FAAP100: variants seen among roughly 807,000 people sequenced by gnomAD.
FAAP100 encodes the protein Fanconi anemia core complex-associated protein 100.
Under a neutral mutation model 65.8 loss-of-function variants are expected in FAAP100, and 46 were observed. The ratio of observed to expected loss-of-function variants is 0.70; its 90% CI spans 0.55 to 0.89. The LOEUF (loss-of-function observed/expected upper bound fraction) is 0.89. Among genes scored for constraint, FAAP100 ranks in the 40% least tolerant of loss-of-function variants. The pLI is 0.00. For missense variants in FAAP100, 1,165 were observed against 1,196.7 expected (o/e 0.97, Z 0.39); for synonymous variants, 663 against 555.1 (o/e 1.19, Z -2.73).
rs1401804618 is a variant in FAAP100, at chr17:81,540,923, G to A, written c.2542C>T (p.Arg848Cys). The A allele has an allele frequency of 8.2e-6, 13 of 1,591,638 alleles. No individual in the cohort carries two copies. In the East Asian group the frequency reaches 1.6e-4, roughly 19 times the overall value. The change falls in exon 9 of 9, where the codon CGC becomes TGC. Residue 848 changes from arginine (R) to cysteine (C), a missense_variant. Coordinates refer to ENST00000327787, the MANE Select transcript of FAAP100 (RefSeq NM_025161.6). ...ETLLREVQTL[R>C]DRLCTEDEAS... ...TCATCCTCCGTGCAGAGCCGGTCGC[G>A]CAGGGTCTGCACCTCCCGCAGCAGT...
In FAAP100 at chr17:81,540,762, G is replaced by C. The variant is rs1667457276; in HGVS notation, c.*57C>G. ...GTTTCCCTCTAACCCATGAGGCCTG[G>C]GGGGGCTGTGACAGAGGCTGGAAGC... On this transcript the variant is annotated 3_prime_UTR_variant, in exon 9 of 9. Transcript: ENST00000327787. 4.8e-6 allele frequency: 7 copies of C among 1,455,762 alleles called. No individual in the cohort carries two copies. Among genetic ancestry groups the C allele is most frequent in the East Asian group, 2.5e-5 (1 of 39,714 alleles). 90.2% of individuals were successfully genotyped at this position (1,455,762 alleles called of 1,614,324 possible).
chr17:81,542,280 G>C (rs886839654), intron 7 of FAAP100, among the ~76,000 whole-genome samples: 2 of 143,138 alleles, frequency 1.4e-5, no homozygotes, highest in Admixed American at 1.4e-4. Context: ...CCAGCTATTC[G>C]GGAGGCTGAG....
intron 5 of FAAP100, chr17:81,546,466 G>A (rs1025555126): frequency 2.5e-5 from 4 of 162,800 alleles, no homozygotes. Context: ...CCCGCACTGT[G>A]AAGCTCACAG....
chr17:81,542,854 G>A (rs1031595815), intron 7 of FAAP100, among the ~76,000 whole-genome samples: 3 of 152,338 alleles, frequency 2.0e-5, no homozygotes, highest in Non-Finnish European at 2.9e-5. Context: ...TCTTGGCAGG[G>A]GATGGGACTT....
intron 7 of FAAP100, 42 bp downstream of exon 7, chr17:81,543,962 G>A (rs375334660): frequency 4.8e-5 from 75 of 1,554,348 alleles, no homozygotes; most frequent in African/African-American, 8.1e-5. Flanking sequence ...CTTAGTGAGC[G>A]ACCCACAGAT....
rs1489162500 is a variant in FAAP100, at chr17:81,544,182, G to A, written c.2311-62C>T. The A allele has an allele frequency of 9.4e-6, 13 of 1,375,868 alleles. No individual in the cohort carries two copies. The African/African-American group carries it at 1.6e-4, about 17-fold the overall frequency. 85.2% of individuals were successfully genotyped at this position (1,375,868 alleles called of 1,614,324 possible). The stretch of plus-strand genomic sequence containing the variant: ...CACTCCCACCTGCCCGGGGGGCTCA[G>A]GCTACACAGGAGCCTCCCCAGCTGG... On this transcript the variant is annotated intron_variant, in intron 6 of 8. Transcript: ENST00000327787.
intron 7 of FAAP100, among the ~76,000 whole-genome samples, chr17:81,542,976 C>T (rs2033171454): frequency 6.6e-6 from 1 of 152,224 alleles, no homozygotes; most frequent in Non-Finnish European, 1.5e-5. Flanking sequence ...CAAGCCCAGG[C>T]AGCCCCATCG....
At chr17:81,551,891 G>A (rs1022015850) in intron 2 of FAAP100, 37 bp downstream of exon 2, 6 of 1,521,350 alleles carry the variant, frequency 3.9e-6, no homozygotes, top group Non-Finnish European at 5.2e-6. Flanking sequence ...GGGGGCAGCA[G>A]GAGTGTGCGG....
In FAAP100 at chr17:81,541,238, G is replaced by A. The variant is rs1375268126; in HGVS notation, c.2514+71C>T. 7 of 1,475,148 alleles carry A rather than the reference G, an allele frequency of 4.7e-6. No homozygotes were observed. The East Asian group carries it at 1.2e-4, about 24-fold the overall frequency. The allele number at this position is 1,475,148 out of a possible 1,614,324, so 91.4% of individuals were successfully genotyped here. On this transcript the variant is annotated intron_variant, in intron 8 of 8. Coordinates refer to ENST00000327787, the MANE Select transcript of FAAP100 (RefSeq NM_025161.6). ...GGACTCTGCGGACCCCGAGTGACTA[G>A]AGGGGGGCCTGGCGATGGGCGCTCC...
chr17:81,539,894 A>G lies in FAAP100; in HGVS notation c.*925T>C. On this transcript the variant is annotated 3_prime_UTR_variant, in exon 9 of 9. Coordinates refer to ENST00000327787, the MANE Select transcript of FAAP100 (RefSeq NM_025161.6). ...GAAAACAGCCGAGGCCTGAAGGTTC[A>G]CGGACAGACAGGGTCGTTTGTCACA... 1 of 398,786 alleles carries G rather than the reference A, an allele frequency of 2.5e-6. No homozygotes were observed. Among genetic ancestry groups the G allele is most frequent in the South Asian group, 1.3e-4 (1 of 7,866 alleles). The allele number at this position is 398,786 out of a possible 1,614,324, so 24.7% of individuals were successfully genotyped here.
In FAAP100 at chr17:81,546,980, A is replaced by G; in HGVS notation, c.2102T>C (p.Leu701Pro). The G allele has an allele frequency of 6.7e-7, 1 of 1,493,396 alleles. No homozygotes were observed. Among genetic ancestry groups the G allele is most frequent in the South Asian group, 1.3e-5 (1 of 74,902 alleles). 92.5% of individuals were successfully genotyped at this position (1,493,396 alleles called of 1,614,324 possible). ...CTTGATGGAAGCCACAGATGGGGGCAGGTACTCGGCCCGCAGGGAGGCGGG... is the reference window on the plus strand; with the variant it reads ...CTTGATGGAAGCCACAGATGGGGGCGGGTACTCGGCCCGCAGGGAGGCGGG... ...AGPASLRAEY[L>P]PPSVASIKVS... The change falls in exon 5 of 9, where the codon CTG becomes CCG. Residue 701 changes from leucine to proline, a missense_variant. Coordinates refer to ENST00000327787, the MANE Select transcript of FAAP100 (RefSeq NM_025161.6).
intron 7 of FAAP100, among the ~76,000 whole-genome samples, chr17:81,543,313 G>A (rs993964201): frequency 2.6e-5 from 4 of 152,220 alleles, no homozygotes; most frequent in African/African-American, 7.2e-5. Context: ...GCTGAGGCAG[G>A]GACCACCCCT....
rs777098653 is a variant in FAAP100, at chr17:81,551,969, C to T, written c.249G>A (p.Arg83=). ...GGTCCAGCGACAGGCAGTAGAGGCCCCTCCGGGCGCACAGCGCGTACAGCA... is the reference window on the plus strand; with the variant it reads ...GGTCCAGCGACAGGCAGTAGAGGCCTCTCCGGGCGCACAGCGCGTACAGCA... The part of the protein sequence containing the change: ...RRLLYALCAR[R]GLYCLSLDHP... The change falls in exon 2 of 9, where the codon AGG becomes AGA. Residue 83 remains arginine (R), a synonymous_variant. Coordinates refer to ENST00000327787, the MANE Select transcript of FAAP100 (RefSeq NM_025161.6). The T allele has an allele frequency of 4.5e-6, 7 of 1,564,724 alleles. No homozygotes were observed. The Admixed American group carries it at 1.1e-4, about 24-fold the overall frequency.
chr17:81,542,699 C>A (rs1488887837), intron 7 of FAAP100, among the ~76,000 whole-genome samples: 1 of 152,226 alleles, frequency 6.6e-6, no homozygotes, highest in Non-Finnish European at 1.5e-5. Flanking sequence ...AGCCCTAGTG[C>A]CAGCACTCAG....
chr17:81,546,827 C>T, intron 5 of FAAP100, 82 bp downstream of exon 5: 1 of 1,308,124 alleles, frequency 7.6e-7, no homozygotes. Context: ...GCACTCCAGC[C>T]TGGGCAACAG....
chr17:81,545,767 G>A lies in FAAP100; in HGVS notation c.2289C>T (p.Asn763=), dbSNP rs766737566. 3.0e-5 allele frequency: 49 copies of A among 1,612,014 alleles called. 1 individual carries two copies. Among genetic ancestry groups the A allele is most frequent in the South Asian group, 2.7e-4 (25 of 91,000 alleles). Residue 763 remains asparagine, a synonymous_variant, in exon 6 of 9, where the codon AAC becomes AAT. Coordinates refer to ENST00000327787, the MANE Select transcript of FAAP100 (RefSeq NM_025161.6). ...TTGCCTCTCGGACGATGAGGTGAAC[G>A]TTGGCGCCATCAGGGGCCACTCCCT... ...SIQGVAPDGA[N]VHLIVREVAM...
chr17:81,540,326 C>A lies in FAAP100; in HGVS notation c.*493G>T, dbSNP rs1169401182. ...AGCCGGGCAGGTGTGAACAGTGTGA[C>A]AAGGGTACCGTGGGGCACCTGGTAG... On this transcript the variant is annotated 3_prime_UTR_variant, in exon 9 of 9. Coordinates refer to ENST00000327787, the MANE Select transcript of FAAP100 (RefSeq NM_025161.6). 1.2e-5 allele frequency: 5 copies of A among 400,316 alleles called. No homozygotes were observed. The highest frequency in any genetic ancestry group is 2.2e-5 in the Non-Finnish European group (5 of 227,138). 24.8% of individuals were successfully genotyped at this position (400,316 alleles called of 1,614,324 possible).
Position 81,548,057 on chromosome 17 carries a change from C to T in FAAP100, c.1404-379G>A, listed in dbSNP as rs1598597037. 6.0e-6 allele frequency: 4 copies of T among 668,190 alleles called. No homozygotes were observed. In the East Asian group the frequency reaches 1.1e-4, roughly 18 times the overall value. 41.4% of individuals were successfully genotyped at this position (668,190 alleles called of 1,614,324 possible). ...CCCACCCTTGGCTCCCCAGAATGTT[C>T]CTAGTGGGCCTCTTTTCTCCCTTGC... On this transcript the variant is annotated intron_variant, in intron 4 of 8. Transcript: ENST00000327787.
chr17:81,544,261 C>A, intron 6 of FAAP100, 141 bp from the exon 7 acceptor site: 2 of 651,336 alleles, frequency 3.1e-6, no homozygotes, highest in Non-Finnish European at 5.3e-6. Context: ...CTGTCCTATA[C>A]CCTGAAGGAG....
Sources: gnomAD v4.1 joint callset for allele counts (sites outside exome capture counted in the v4.1 genomes callset) on GRCh38, gnomAD v4.1.1 for gene constraint, MANE v1.5 for transcripts, NCBI Gene and HGNC (gene_info 2026-07-23, HGNC 2026-07-21) for gene names.